Variants in GABRB1 observed in about 807,000 individuals in gnomAD.
The protein encoded by GABRB1 is gamma-aminobutyric acid type A receptor subunit beta1.
In GABRB1, 17 loss-of-function variants were observed where a neutral mutation model predicts 51.6. The ratio of observed to expected loss-of-function variants is 0.33; its 90% confidence interval spans 0.23 to 0.49. GABRB1 has a LOEUF of 0.49. Among genes scored for constraint, GABRB1 ranks in the 20% least tolerant of loss-of-function variants. The pLI, the probability that GABRB1 is intolerant of heterozygous loss-of-function variation, is 0.99. For synonymous variants in GABRB1, 247 were observed against 218.9 expected, an observed-to-expected ratio of 1.13 and a Z score of -1.14; for missense variants, 410 against 600.6, an observed-to-expected ratio of 0.68 and a Z score of 3.32.
At chr4:47,012,406 T>A (rs1327606627) in intron 1 of GABRB1, among the ~76,000 whole-genome samples, 1 of 152,124 alleles carries the variant, frequency 6.6e-6, no homozygotes, top group Non-Finnish European at 1.5e-5. Flanking sequence ...TGTCCAGGTG[T>A]TCTCATCATT....
Position 47,312,037 on chromosome 4 carries a change from T to TTGTG in GABRB1, c.462-8059_462-8056dup, listed in dbSNP as rs36206411. Among the ~76,000 whole-genome samples the TTGTG allele has an allele frequency of 4.3e-5, 6 of 140,874 alleles. 1 individual carries two copies. Among genetic ancestry groups the TTGTG allele is most frequent in the Middle Eastern group, 3.9e-3 (1 of 254 alleles). 92.4% of individuals were successfully genotyped at this position (140,874 alleles called of 152,430 possible). A position where few individuals can be genotyped will look rare whatever the true frequency, so the allele number is the denominator to read the frequency against. On this transcript the variant is annotated intron_variant, in intron 4 of 8. Coordinates refer to ENST00000295454, the MANE Select transcript of GABRB1 (RefSeq NM_000812.4). ...TAAAAATAAAACATTTACCCAAGGCTTGTGTGTGTGTGTGTGTGTGTGTGT... is the reference window on the plus strand; with the variant it reads ...TAAAAATAAAACATTTACCCAAGGCTTGTGTGTGTGTGTGTGTGTGTGTGTGTGT...
At chr4:47,331,994 T>C (rs1347710897) in intron 5 of GABRB1, among the ~76,000 whole-genome samples, 1 of 152,168 alleles carries the variant, frequency 6.6e-6, no homozygotes, top group African/African-American at 2.4e-5. Flanking sequence ...GCTTCCCCAC[T>C]AGGTGTGAGT....
intron 1 of GABRB1, among the ~76,000 whole-genome samples, chr4:47,006,875 C>T (rs969575753): frequency 6.6e-6 from 1 of 152,084 alleles, no homozygotes; most frequent in Non-Finnish European, 1.5e-5. Context: ...AAACTTTAGG[C>T]TGGGGATGGT....
At chr4:47,350,290 G>T (rs1270340671) in intron 5 of GABRB1, among the ~76,000 whole-genome samples, 4 of 146,704 alleles carry the variant, frequency 2.7e-5, no homozygotes, top group African/African-American at 5.0e-5. Flanking sequence ...TATATATAGA[G>T]AGAGAGAGAG....
At chr4:47,038,843 G>A (rs1180959396) in intron 3 of GABRB1, among the ~76,000 whole-genome samples, 2 of 152,150 alleles carry the variant, frequency 1.3e-5, no homozygotes, top group African/African-American at 4.8e-5. Context: ...GGGCTCAAAT[G>A]ACATAATCAC....
intron 3 of GABRB1, among the ~76,000 whole-genome samples, chr4:47,127,437 A>G (rs1164949517): frequency 2.6e-5 from 4 of 151,804 alleles, no homozygotes; most frequent in Non-Finnish European, 5.9e-5. Flanking sequence ...ACTAATTTCT[A>G]TAACAAACAA....
intron 2 of GABRB1, 139 bp from the exon 3 acceptor site, chr4:47,032,278 C>A: frequency 1.2e-6 from 1 of 834,288 alleles, no homozygotes; most frequent in Non-Finnish European, 1.9e-6. Context: ...TTTTCCCAGG[C>A]AGTCCCCTGA....
chr4:47,235,744 T>C lies in GABRB1; in HGVS notation c.461+74275T>C, dbSNP rs113237665. On this transcript the variant is annotated intron_variant, in intron 4 of 8. Transcript: ENST00000295454. ...GTATACCACATATCACCCTAAAATA[T>C]TTGAATATTCTAGTCTAGCTTTTTA... 5.9e-3 allele frequency among the ~76,000 whole-genome samples: 891 copies of C among 152,206 alleles called. 11 individuals carry two copies. Among genetic ancestry groups the C allele is most frequent in the African/African-American group, 0.02 (822 of 41,554 alleles).
rs368699830 is a variant in GABRB1, at chr4:47,383,337, AC to A, written c.545-19979del. Among the ~76,000 whole-genome samples the A allele has an allele frequency of 3.3e-3, 508 of 152,260 alleles. 4 individuals carry two copies. Among genetic ancestry groups the A allele is most frequent in the African/African-American group, 0.011 (455 of 41,552 alleles). On this transcript the variant is annotated intron_variant, in intron 5 of 8. Transcript: ENST00000295454. Reference sequence around the variant, plus strand: ...ATGATTATTGGAGGTTGTGTGCAATACCTCTGTGAAAACTCAGGTCAGGGAC... The same window carrying A: ...ATGATTATTGGAGGTTGTGTGCAATACTCTGTGAAAACTCAGGTCAGGGAC...
chr4:47,207,999 A>C lies in GABRB1; in HGVS notation c.461+46530A>C, dbSNP rs184487748. Among the ~76,000 whole-genome samples, 63 of 152,172 alleles carry C rather than the reference A, an allele frequency of 4.1e-4. 1 individual carries two copies. Among genetic ancestry groups the C allele is most frequent in the African/African-American group, 1.5e-3 (62 of 41,540 alleles). On this transcript the variant is annotated intron_variant, in intron 4 of 8. Coordinates refer to ENST00000295454, the MANE Select transcript of GABRB1 (RefSeq NM_000812.4). ...ACGGATACACTTAAAGTAATTGACTAATGACAAAAAAAAATGATTTTTCTG... is the reference window on the plus strand; with the variant it reads ...ACGGATACACTTAAAGTAATTGACTCATGACAAAAAAAAATGATTTTTCTG...
chr4:47,233,049 G>A (rs542563214), intron 4 of GABRB1, among the ~76,000 whole-genome samples: 1 of 151,850 alleles, frequency 6.6e-6, no homozygotes, highest in East Asian at 1.9e-4. Flanking sequence ...TAATTTTTTT[G>A]TATTTTGGTA....
chr4:47,019,177 T>C (rs1190426523), intron 1 of GABRB1, among the ~76,000 whole-genome samples: 1 of 152,140 alleles, frequency 6.6e-6, no homozygotes, highest in South Asian at 2.1e-4. Flanking sequence ...TGGCCTCATA[T>C]TGGTTAATCT....
intron 4 of GABRB1, among the ~76,000 whole-genome samples, chr4:47,186,838 A>C (rs1408195422): frequency 1.3e-5 from 2 of 151,924 alleles, no homozygotes; most frequent in African/African-American, 4.8e-5. Flanking sequence ...AAATTATGAA[A>C]TCATAATAGG....
chr4:47,032,073 CAAA>C, intron 2 of GABRB1, 68 bp downstream of exon 2: 12 of 449,822 alleles, frequency 2.7e-5, no homozygotes, highest in Admixed American at 9.7e-5. Context: ...AGATAAATGT[CAAA>C]AAAAAAAAAA....
At chr4:47,294,214 G>A (rs933851031) in intron 4 of GABRB1, among the ~76,000 whole-genome samples, 2 of 152,154 alleles carry the variant, frequency 1.3e-5, no homozygotes, top group Non-Finnish European at 2.9e-5. Flanking sequence ...TCCATCTGAG[G>A]TACTGGGTTC....
chr4:47,088,141 C>T (rs1444136119), intron 3 of GABRB1, among the ~76,000 whole-genome samples: 1 of 152,188 alleles, frequency 6.6e-6, no homozygotes, highest in Non-Finnish European at 1.5e-5. Context: ...GTAGAAAACG[C>T]TGTACTTTCC....
At chr4:47,114,766 CA>C (rs1237071465) in intron 3 of GABRB1, among the ~76,000 whole-genome samples, 1 of 152,122 alleles carries the variant, frequency 6.6e-6, no homozygotes, top group Non-Finnish European at 1.5e-5. Context: ...AGGCCCAGTG[CA>C]AAATGAAAAT....
At chr4:47,180,235 T>C (rs1295523708) in intron 4 of GABRB1, among the ~76,000 whole-genome samples, 1 of 152,080 alleles carries the variant, frequency 6.6e-6, no homozygotes, top group Non-Finnish European at 1.5e-5. Context: ...AAGAGAATCA[T>C]TCCAGAAAAA....
chr4:47,057,882 T>C (rs573406017), intron 3 of GABRB1, among the ~76,000 whole-genome samples: 1 of 152,176 alleles, frequency 6.6e-6, no homozygotes, highest in Admixed American at 6.5e-5. Flanking sequence ...AAAGATATTA[T>C]ACAGGATAGA....
Sources: allele counts gnomAD v4.1 joint callset (sites outside exome capture counted in the v4.1 genomes callset), GRCh38; gene constraint gnomAD v4.1.1; transcripts MANE v1.5; gene names NCBI Gene and HGNC (gene_info 2026-07-23, HGNC 2026-07-21).